Variants in DLC1 observed in about 807,000 individuals in gnomAD.
The protein encoded by DLC1 is DLC1 Rho GTPase activating protein.
In DLC1, 54 loss-of-function variants were observed where a neutral mutation model predicts 140.3. The observed-to-expected ratio is 0.38, with a 90% confidence interval of 0.31 to 0.48. The LOEUF (loss-of-function observed/expected upper bound fraction) is 0.48. Ranked by LOEUF, DLC1 falls within the 20% of genes least tolerant of loss-of-function variation. The pLI, the probability that DLC1 is intolerant of heterozygous loss-of-function variation, is 0.96. For synonymous variants in DLC1, 986 were observed against 728.1 expected (o/e 1.35, Z -5.70); for missense variants, 2,536 against 1,907.0 (o/e 1.33, Z -6.14).
intron 2 of DLC1, among the ~76,000 whole-genome samples, chr8:13,453,580 A>C (rs564699822): frequency 5.8e-5 from 7 of 120,186 alleles, no homozygotes; most frequent in Non-Finnish European, 1.1e-4. Flanking sequence ...TTTTTCAGAT[A>C]GAAATGTTTA....
intron 5 of DLC1, among the ~76,000 whole-genome samples, chr8:13,182,724 C>G (rs1826114411): frequency 6.6e-6 from 1 of 152,244 alleles, no homozygotes; most frequent in Middle Eastern, 3.4e-3. Context: ...GTTACTGTAG[C>G]CTTGTAGTAT....
chr8:13,420,466 G>A (rs1173403120), intron 2 of DLC1, among the ~76,000 whole-genome samples: 4 of 152,064 alleles, frequency 2.6e-5, no homozygotes, highest in East Asian at 1.9e-4. Flanking sequence ...AGGTATACAT[G>A]TGCCATGGTG....
chr8:13,584,762 A>G (rs777981580), intron 1 of DLC1, among the ~76,000 whole-genome samples: 1 of 152,088 alleles, frequency 6.6e-6, no homozygotes, highest in Non-Finnish European at 1.5e-5. Flanking sequence ...TCGCTCAAAA[A>G]CTTTTCGCTG....
chr8:13,542,447 G>A (rs1331768782), intron 1 of DLC1, among the ~76,000 whole-genome samples: 8 of 151,762 alleles, frequency 5.3e-5, no homozygotes, highest in Non-Finnish European at 1.2e-4. Flanking sequence ...CTTGACTATT[G>A]TAACTGTATA....
At chr8:13,243,567 A>G (rs1186882590) in intron 5 of DLC1, among the ~76,000 whole-genome samples, 13 of 152,188 alleles carry the variant, frequency 8.5e-5, no homozygotes, top group Admixed American at 8.5e-4. Context: ...TTTGTTAACA[A>G]TAGGAACAAT....
chr8:13,491,087 T>A (rs117467398), intron 2 of DLC1, among the ~76,000 whole-genome samples: 3,394 of 147,822 alleles, frequency 0.023, 61 homozygotes, highest in Non-Finnish European at 0.034. Flanking sequence ...TATATACATA[T>A]TCAAATTTAA....
chr8:13,492,789 C>T (rs1332161242), intron 2 of DLC1, among the ~76,000 whole-genome samples: 1 of 152,208 alleles, frequency 6.6e-6, no homozygotes, highest in Non-Finnish European at 1.5e-5. Flanking sequence ...AATGTTTTTG[C>T]ATTTCAAGTT....
At chr8:13,428,771 G>T (rs1838722688) in intron 2 of DLC1, among the ~76,000 whole-genome samples, 1 of 152,128 alleles carries the variant, frequency 6.6e-6, no homozygotes, top group Non-Finnish European at 1.5e-5. Flanking sequence ...CATGCTTGCT[G>T]TGACTCCTTT....
intron 5 of DLC1, among the ~76,000 whole-genome samples, chr8:13,254,872 G>T (rs73543936): frequency 0.091 from 13,792 of 152,238 alleles, 710 homozygotes; most frequent in South Asian, 0.17. Context: ...CAATAGTGAT[G>T]GTTAAGGGCA....
intron 5 of DLC1, among the ~76,000 whole-genome samples, chr8:13,302,682 A>G (rs1832248684): frequency 6.6e-6 from 1 of 151,122 alleles, no homozygotes; most frequent in Non-Finnish European, 1.5e-5. Flanking sequence ...TTAATAAAGA[A>G]CAATAGGCTA....
At chr8:13,357,393 C>G (rs1315144695) in intron 4 of DLC1, among the ~76,000 whole-genome samples, 1 of 152,196 alleles carries the variant, frequency 6.6e-6, no homozygotes, top group Non-Finnish European at 1.5e-5. Flanking sequence ...CAAATTTACC[C>G]CAGTTTGACT....
At chr8:13,113,285 G>A (rs1328270409) in intron 6 of DLC1, among the ~76,000 whole-genome samples, 2 of 152,148 alleles carry the variant, frequency 1.3e-5, no homozygotes, top group African/African-American at 4.8e-5. Flanking sequence ...TTAACAGGGG[G>A]ACATGTGTGG....
intron 4 of DLC1, among the ~76,000 whole-genome samples, chr8:13,349,894 C>T (rs1834553505): frequency 6.6e-6 from 1 of 152,198 alleles, no homozygotes; most frequent in African/African-American, 2.4e-5. Flanking sequence ...AATGTAGCCA[C>T]AGGATGACTG....
intron 5 of DLC1, among the ~76,000 whole-genome samples, chr8:13,288,221 T>C (rs1831608019): frequency 1.3e-5 from 2 of 152,250 alleles, no homozygotes; most frequent in South Asian, 4.1e-4. Flanking sequence ...TCTGGTATTA[T>C]AGTGTATCAT....
rs545910021 is a variant in DLC1 at position 13,316,910 on chromosome 8, T to C, written c.1315-11608A>G. The stretch of plus-strand genomic sequence containing the variant: ...CTTATGTTAAGGGTTTCTTGTATTT[T>C]CTATTGGATTCTTAATTGAATCTAT... On this transcript the variant is annotated intron_variant, in intron 4 of 17. Transcript: ENST00000276297. Among the ~76,000 whole-genome samples, 17 of 152,252 alleles carry C rather than the reference T, an allele frequency of 1.1e-4. No homozygotes were observed. In the South Asian group the frequency reaches 2.1e-3, roughly 19 times the overall value.
intron 1 of DLC1, among the ~76,000 whole-genome samples, chr8:13,565,864 T>G (rs1804410991): frequency 6.6e-6 from 1 of 152,198 alleles, no homozygotes; most frequent in African/African-American, 2.4e-5. Context: ...CTCTACTGTG[T>G]TTTTTAAATG....
intron 1 of DLC1, among the ~76,000 whole-genome samples, chr8:13,587,624 T>C (rs913009813): frequency 1.1e-3 from 154 of 141,022 alleles, no homozygotes; most frequent in African/African-American, 3.5e-3. Flanking sequence ...TATATATATA[T>C]ACATTGCCTA....
chr8:13,341,897 C>G (rs1295378334), intron 4 of DLC1: 1 of 152,104 alleles, frequency 6.6e-6, no homozygotes, highest in Non-Finnish European at 1.5e-5. Context: ...TGAAATAAGG[C>G]AAATCAGCTG....
At chr8:13,591,899 C>A (rs1330740160) in intron 1 of DLC1, among the ~76,000 whole-genome samples, 1 of 152,016 alleles carries the variant, frequency 6.6e-6, no homozygotes, top group Non-Finnish European at 1.5e-5. Flanking sequence ...AGAGAGAAAC[C>A]TATGGTTTTT....
Sources: allele counts gnomAD v4.1 joint callset (sites outside exome capture counted in the v4.1 genomes callset), GRCh38; gene constraint gnomAD v4.1.1; transcripts MANE v1.5; gene names NCBI Gene and HGNC (gene_info 2026-07-23, HGNC 2026-07-21).